DGKB: variants seen among roughly 807,000 people sequenced by gnomAD.
DGKB encodes diacylglycerol kinase beta.
A neutral mutation model predicts 114.3 loss-of-function variants in DGKB; 67 were observed. The observed-to-expected ratio is 0.59, with a 90% CI of 0.48 to 0.72. The LOEUF (loss-of-function observed/expected upper bound fraction) is 0.72. Ranked by LOEUF, DGKB falls within the 30% of genes least tolerant of loss-of-function variation. The pLI, the probability that DGKB is intolerant of heterozygous loss-of-function variation, is 0.00. For synonymous variants in DGKB, 398 were observed against 323.1 expected (o/e 1.23, Z -2.49); for missense variants, 907 against 975.2 (o/e 0.93, Z 0.93).
intron 14 of DGKB, among the ~76,000 whole-genome samples, chr7:14,629,370 C>CT (rs941770761): frequency 1.4e-4 from 21 of 150,514 alleles, no homozygotes; most frequent in African/African-American, 5.1e-4. Flanking sequence ...AAAATGAGAA[C>CT]TTTTTTTTTA....
intron 15 of DGKB, among the ~76,000 whole-genome samples, chr7:14,617,990 T>G (rs2128808406): frequency 6.6e-6 from 1 of 151,698 alleles, no homozygotes; most frequent in Admixed American, 6.6e-5. Context: ...ATACTCAGTT[T>G]AAAGGTTGCT....
intron 16 of DGKB, among the ~76,000 whole-genome samples, chr7:14,608,793 G>T (rs971264643): frequency 1.4e-4 from 22 of 151,760 alleles, no homozygotes; most frequent in African/African-American, 4.8e-4. Context: ...CCAGAGTCAA[G>T]TCAAGAATAC....
intron 25 of DGKB, among the ~76,000 whole-genome samples, chr7:14,152,491 T>C (rs752728802): frequency 1.3e-5 from 2 of 152,010 alleles, no homozygotes; most frequent in Admixed American, 6.6e-5. Flanking sequence ...TTCTATCAGA[T>C]ACAGAATGGT....
intron 2 of DGKB, among the ~76,000 whole-genome samples, chr7:14,774,144 T>G (rs1254701408): frequency 6.6e-6 from 1 of 152,134 alleles, no homozygotes; most frequent in African/African-American, 2.4e-5. Context: ...GCAGAAAAGA[T>G]TTTCAAGCCA....
At chr7:14,328,584 C>T (rs760851483) in intron 23 of DGKB, among the ~76,000 whole-genome samples, 3 of 151,890 alleles carry the variant, frequency 2.0e-5, no homozygotes, top group South Asian at 2.1e-4. Flanking sequence ...AATCTCTCAA[C>T]GAGGAGCAAT....
chr7:14,487,926 G>C (rs547965132), intron 20 of DGKB, among the ~76,000 whole-genome samples: 3 of 151,818 alleles, frequency 2.0e-5, no homozygotes, highest in Non-Finnish European at 4.4e-5. Flanking sequence ...AATGACCTTT[G>C]ACAAATCAAT....
At chr7:14,972,098 G>C (rs560331028) in intron 1 of DGKB, among the ~76,000 whole-genome samples, 1 of 151,952 alleles carries the variant, frequency 6.6e-6, no homozygotes, top group Non-Finnish European at 1.5e-5. Context: ...AGAAAATAAT[G>C]GCAGGCCAGT....
At chr7:14,847,247 CGCCACT>C (rs1562705463) in intron 1 of DGKB, among the ~76,000 whole-genome samples, 1 of 147,696 alleles carries the variant, frequency 6.8e-6, no homozygotes. Context: ...GCCGAGATGG[CGCCACT>C]GCACTCCAGC....
At chr7:14,400,438 C>T (rs1333526999) in intron 21 of DGKB, among the ~76,000 whole-genome samples, 1 of 151,718 alleles carries the variant, frequency 6.6e-6, no homozygotes, top group Non-Finnish European at 1.5e-5. Context: ...ACAGAAAGCA[C>T]CATATTCTCC....
chr7:14,863,844 A>G (rs1280280493), intron 1 of DGKB, among the ~76,000 whole-genome samples: 1 of 152,090 alleles, frequency 6.6e-6, no homozygotes, highest in South Asian at 2.1e-4. Flanking sequence ...TCATGTCTCT[A>G]ATCCTGGCAC....
chr7:14,654,304 A>G (rs1250122009), intron 13 of DGKB, among the ~76,000 whole-genome samples: 2 of 152,108 alleles, frequency 1.3e-5, no homozygotes, highest in Non-Finnish European at 2.9e-5. Flanking sequence ...AAATAAAATA[A>G]TAAAATACTT....
chr7:14,613,812 C>T (rs1325755958), intron 15 of DGKB, among the ~76,000 whole-genome samples: 2 of 151,998 alleles, frequency 1.3e-5, no homozygotes, highest in African/African-American at 4.8e-5. Context: ...TATAGAGAGG[C>T]CTCCTTTTAC....
chr7:14,661,978 T>C (rs1333437939), intron 13 of DGKB, among the ~76,000 whole-genome samples: 1 of 151,954 alleles, frequency 6.6e-6, no homozygotes, highest in Non-Finnish European at 1.5e-5. Flanking sequence ...CACCGCATAT[T>C]CTCACTCATA....
chr7:14,321,794 A>G (rs1396566713), intron 23 of DGKB, among the ~76,000 whole-genome samples: 3 of 152,118 alleles, frequency 2.0e-5, no homozygotes, highest in Non-Finnish European at 4.4e-5. Flanking sequence ...TAGAAAATAT[A>G]TTTTTTAGAA....
intron 21 of DGKB, among the ~76,000 whole-genome samples, chr7:14,414,096 C>T (rs1276605334): frequency 6.6e-6 from 1 of 151,996 alleles, no homozygotes; most frequent in African/African-American, 2.4e-5. Context: ...AAATAGATTA[C>T]AGCAAAAGAT....
intron 6 of DGKB, among the ~76,000 whole-genome samples, chr7:14,713,868 T>A (rs1019266742): frequency 6.6e-6 from 1 of 152,072 alleles, no homozygotes; most frequent in African/African-American, 2.4e-5. Flanking sequence ...TATAAAAAAT[T>A]CTTGTTAAAT....
At chr7:14,641,746 T>C (rs1163334949) in intron 13 of DGKB, among the ~76,000 whole-genome samples, 1 of 152,140 alleles carries the variant, frequency 6.6e-6, no homozygotes, top group Admixed American at 6.5e-5. Context: ...ATTATTTTGA[T>C]CACTGAAAAT....
rs546967816 is a variant in DGKB at position 14,619,422 on chromosome 7, G to T, written c.1284+1956C>A. 3.3e-5 allele frequency among the ~76,000 whole-genome samples: 5 copies of T among 151,550 alleles called. No individual in the cohort carries two copies. In the South Asian group the frequency reaches 1.0e-3, roughly 31 times the overall value. ...TAAAATCAAACATATTACTATGTAGGTTTAAAACCTTTAAAACACTGCATG... is the reference window on the plus strand; with the variant it reads ...TAAAATCAAACATATTACTATGTAGTTTTAAAACCTTTAAAACACTGCATG... On this transcript the variant is annotated intron_variant, in intron 15 of 25. Coordinates refer to ENST00000402815, the MANE Select transcript of DGKB (RefSeq NM_001350709.2).
At chr7:14,566,681 T>A (rs551315322) in intron 20 of DGKB, among the ~76,000 whole-genome samples, 63 of 152,208 alleles carry the variant, frequency 4.1e-4, no homozygotes, top group Non-Finnish European at 6.8e-4. Context: ...GGCAGCTGTG[T>A]TAACAGCAGC....
Sources: gnomAD v4.1 joint callset for allele counts (sites outside exome capture counted in the v4.1 genomes callset) on GRCh38, gnomAD v4.1.1 for gene constraint, MANE v1.5 for transcripts, NCBI Gene and HGNC (gene_info 2026-07-23, HGNC 2026-07-21) for gene names.